KIF5A: variants seen among roughly 807,000 people sequenced by gnomAD.
The protein encoded by KIF5A is kinesin family member 5A, also known as kinesin heavy chain isoform 5A.
In KIF5A, 35 loss-of-function variants were observed where a neutral mutation model predicts 141.3. The observed-to-expected ratio is 0.25, with a 90% confidence interval of 0.19 to 0.33. KIF5A has a LOEUF of 0.33. KIF5A is among the 10% of genes least tolerant of loss of function. The pLI, the probability that KIF5A is intolerant of heterozygous loss-of-function variation, is 1.00. For missense variants in KIF5A, 861 were observed against 1,314.3 expected, an observed-to-expected ratio of 0.66 and a Z score of 5.33; for synonymous variants, 448 against 500.2, an observed-to-expected ratio of 0.90 and a Z score of 1.39.
chr12:57,577,962 A>G lies in KIF5A; in HGVS notation c.2362-47A>G, dbSNP rs779922230. 1.9e-5 allele frequency: 28 copies of G among 1,472,508 alleles called. No individual in the cohort carries two copies. In the Middle Eastern group the frequency reaches 1.2e-3, roughly 63 times the overall value. 91.2% of individuals were successfully genotyped at this position (1,472,508 alleles called of 1,614,324 possible). On this transcript the variant is annotated intron_variant, in intron 21 of 28. Transcript: ENST00000455537. Reference sequence around the variant, plus strand: ...GTACCTATAATTCTGGAGGAATAGGACAGACCTGGTATCTGGCTATTCCCA... The same window carrying G: ...GTACCTATAATTCTGGAGGAATAGGGCAGACCTGGTATCTGGCTATTCCCA...
chr12:57,575,556 G>A (rs1168038455), intron 16 of KIF5A, 84 bp from the exon 17 acceptor site: 3 of 1,151,852 alleles, frequency 2.6e-6, no homozygotes, highest in African/African-American at 1.5e-5. Flanking sequence ...AGGGCTGGGA[G>A]GAGAGCTGGA....
chr12:57,575,024 G>A (rs1270192777), intron 15 of KIF5A, 60 bp from the exon 16 acceptor site: 29 of 1,521,428 alleles, frequency 1.9e-5, no homozygotes, highest in Non-Finnish European at 2.6e-5. Context: ...GAAGGTGGGA[G>A]GGAACAGATA....
intron 1 of KIF5A, among the ~76,000 whole-genome samples, chr12:57,558,276 T>C (rs1478135939): frequency 6.6e-6 from 1 of 151,276 alleles, no homozygotes; most frequent in Non-Finnish European, 1.5e-5. Flanking sequence ...GTGCAGTGGC[T>C]CACACCTGTA....
chr12:57,571,074 T>A (rs1352229757), intron 12 of KIF5A, among the ~76,000 whole-genome samples: 1 of 151,882 alleles, frequency 6.6e-6, no homozygotes, highest in Non-Finnish European at 1.5e-5. Context: ...GCGCTGGGAT[T>A]AAAGGCATGC....
chr12:57,557,056 A>G (rs1477706345), intron 1 of KIF5A, among the ~76,000 whole-genome samples: 3 of 152,152 alleles, frequency 2.0e-5, no homozygotes, highest in Non-Finnish European at 4.4e-5. Context: ...GAACCCATAC[A>G]CATCTCCTGA....
chr12:57,576,449 C>T (rs1882429687), intron 19 of KIF5A, 71 bp downstream of exon 19: 1 of 1,173,342 alleles, frequency 8.5e-7, no homozygotes, highest in Admixed American at 1.9e-5. Flanking sequence ...TCACATGTCC[C>T]CTCTGGGTCT....
intron 6 of KIF5A, among the ~76,000 whole-genome samples, chr12:57,566,790 C>A (rs959366193): frequency 6.6e-6 from 1 of 151,874 alleles, no homozygotes. Context: ...GCCTGTAATC[C>A]CAGCACTTTG....
chr12:57,581,553 C>T lies in KIF5A; in HGVS notation c.2894C>T (p.Ser965Phe), dbSNP rs772241902. Residue 965 changes from serine to phenylalanine, a missense_variant, in exon 25 of 29, where the codon TCC (serine) becomes TTC (phenylalanine). Physicochemically the swap from Ser to Phe is radical, Grantham distance 155. This residue lies in a region of KIF5A where 482 missense variants were observed against 661.3 expected (regional missense o/e 0.73). Coordinates refer to ENST00000455537, the MANE Select transcript of KIF5A (RefSeq NM_004984.4). ...QNLYLQATPSSTSDMYFANSC... is the reference protein window; with the variant it reads ...QNLYLQATPSFTSDMYFANSC... ...CTCTACCTGCAGGCCACACCCAGCTCCACCTCAGATATGTAGTGAGTGACC... is the reference window on the plus strand; with the variant it reads ...CTCTACCTGCAGGCCACACCCAGCTTCACCTCAGATATGTAGTGAGTGACC... The T allele has an allele frequency of 1.9e-6, 3 of 1,613,986 alleles. No individual in the cohort carries two copies. The African/African-American group carries it at 4.0e-5, about 22-fold the overall frequency.
chr12:57,563,504 A>C lies in KIF5A; in HGVS notation c.195A>C (p.Ala65=). 1 of 1,613,748 alleles carries C rather than the reference A, an allele frequency of 6.2e-7. No homozygotes were observed. The highest frequency in any genetic ancestry group is 8.5e-7 in the Non-Finnish European group (1 of 1,179,674). ...CGACTCAAGAGCAAGTTTATCATGC[A>C]TGTGCCATGCAGATTGTCAAAGGTA... ...PNTTQEQVYH[A]CAMQIVKDVL... The change falls in exon 2 of 29, where the codon GCA becomes GCC. Residue 65 remains alanine (A), a synonymous_variant. Coordinates refer to ENST00000455537, the MANE Select transcript of KIF5A (RefSeq NM_004984.4).
chr12:57,560,332 A>G (rs146333501), intron 1 of KIF5A, among the ~76,000 whole-genome samples: 14 of 152,356 alleles, frequency 9.2e-5, no homozygotes, highest in Admixed American at 2.6e-4. Context: ...AAGCAATGTG[A>G]TGATAAACAC....
chr12:57,584,374 G>A lies in KIF5A; in HGVS notation c.*193G>A, dbSNP rs1247069226. ...TGTACTCTGTATCTATATATCAAAA[G>A]CTGCTGCTATGTCTCTCTTCTGTCT... On this transcript the variant is annotated 3_prime_UTR_variant, in exon 29 of 29. Coordinates refer to ENST00000455537, the MANE Select transcript of KIF5A (RefSeq NM_004984.4). 1 of 152,564 alleles carries A rather than the reference G, an allele frequency of 6.6e-6. No individual in the cohort carries two copies. The highest frequency in any genetic ancestry group is 1.5e-5 in the Non-Finnish European group (1 of 68,032). 9.5% of individuals were successfully genotyped at this position (152,564 alleles called of 1,614,324 possible).
intron 1 of KIF5A, among the ~76,000 whole-genome samples, chr12:57,551,726 G>A (rs1881578790): frequency 6.6e-6 from 1 of 152,164 alleles, no homozygotes; most frequent in African/African-American, 2.4e-5. Context: ...GAAAGAAGGG[G>A]AGGAAGCCTG....
chr12:57,565,821 C>T (rs894662013), intron 6 of KIF5A, among the ~76,000 whole-genome samples: 2 of 151,332 alleles, frequency 1.3e-5, no homozygotes, highest in South Asian at 4.3e-4. Context: ...GACGGGGTTT[C>T]ACCATGTTGG....
chr12:57,554,367 A>T (rs1392343133), intron 1 of KIF5A, among the ~76,000 whole-genome samples: 2 of 152,232 alleles, frequency 1.3e-5, no homozygotes, highest in Non-Finnish European at 2.9e-5. Context: ...GCTTTGTAAC[A>T]TGGCAGGCAC....
At chr12:57,555,658 C>T (rs1023091068) in intron 1 of KIF5A, among the ~76,000 whole-genome samples, 1 of 151,732 alleles carries the variant, frequency 6.6e-6, no homozygotes, top group Non-Finnish European at 1.5e-5. Context: ...CGCCTATAAT[C>T]TCAGCACTTT....
chr12:57,570,864 C>G (rs1882231856), intron 12 of KIF5A, among the ~76,000 whole-genome samples: 1 of 151,972 alleles, frequency 6.6e-6, no homozygotes, highest in African/African-American at 2.4e-5. Flanking sequence ...AGTAATAGCT[C>G]ACTGCAACCT....
chr12:57,578,884 C>T (rs1044316139), intron 23 of KIF5A, among the ~76,000 whole-genome samples: 3 of 151,968 alleles, frequency 2.0e-5, no homozygotes, highest in East Asian at 1.9e-4. Context: ...AGCAACATGG[C>T]GAAACCCCAT....
intron 3 of KIF5A, 44 bp downstream of exon 3, chr12:57,563,737 T>C: frequency 6.5e-7 from 1 of 1,549,012 alleles, no homozygotes; most frequent in Non-Finnish European, 8.9e-7. Context: ...GGAGTGTTAA[T>C]GGAAGATCAG....
chr12:57,555,868 T>C lies in KIF5A; in HGVS notation c.129+5468T>C, dbSNP rs1448032709. ...AGGTTGCAGTGAGCCAAGATCATGC[T>C]GCTGCACTCCAGCCTGGGCGAAAGA... On this transcript the variant is annotated intron_variant, in intron 1 of 28. Coordinates refer to ENST00000455537, the MANE Select transcript of KIF5A (RefSeq NM_004984.4). Among the ~76,000 whole-genome samples the C allele has an allele frequency of 2.2e-5, 3 of 134,184 alleles. No homozygotes were observed. The East Asian group carries it at 6.8e-4, about 30-fold the overall frequency. The allele number at this position is 134,184 out of a possible 152,430, so 88.0% of individuals were successfully genotyped here. A position where few individuals can be genotyped will look rare whatever the true frequency, so the allele number is the denominator to read the frequency against.
Sources: gnomAD v4.1 joint callset for allele counts (sites outside exome capture counted in the v4.1 genomes callset) on GRCh38, gnomAD v4.1.1 for gene constraint, gnomAD v4.1.1 regional missense constraint, MANE v1.5 for transcripts, NCBI Gene and HGNC (gene_info 2026-07-23, HGNC 2026-07-21) for gene names.